The following GCN1 variants were observed in gnomAD, a reference collection of about 807,000 sequenced individuals.
The protein encoded by GCN1 is GCN1 activator of EIF2AK4.
GCN1 carries 90 observed loss-of-function variants against 288.4 expected under a neutral mutation model. The ratio of observed to expected loss-of-function variants is 0.31; its 90% confidence interval spans 0.26 to 0.37. The LOEUF is 0.37. Among genes scored for constraint, GCN1 ranks in the 10% least tolerant of loss-of-function variants. The pLI is 1.00. For missense variants in GCN1, 2,586 were observed against 3,419.9 expected (o/e 0.76, Z 6.08); for synonymous variants, 1,386 against 1,420.2 (o/e 0.98, Z 0.54).
Position 120,144,969 on chromosome 12 carries a change from T to G in GCN1, c.5109A>C (p.Thr1703=). 6.2e-7 allele frequency: 1 copy of G among 1,614,098 alleles called. No homozygotes were observed. The highest frequency in any genetic ancestry group is 8.5e-7 in the Non-Finnish European group (1 of 1,180,018). The change falls in exon 40 of 58, where the codon ACA becomes ACC. Residue 1703 remains threonine, a synonymous_variant. Coordinates refer to ENST00000300648, the MANE Select transcript of GCN1 (RefSeq NM_006836.2). The surrounding 1 kb of genome is among the most constrained non-coding windows in gnomAD (Gnocchi z 4.7). ...CCACAGAGCTCTGCTCATAGGTCAG[T>G]GTCTCCATCAGCCACGGCAGCAAGT... The part of the protein sequence containing the change: ...FEDLLPWLME[T]LTYEQSSVDR...
At position 120,158,160 on chromosome 12, in the gene GCN1, TG is replaced by T. The variant is rs1343437398; in HGVS notation, c.2906-131del. 9 of 842,256 alleles carry T rather than the reference TG, an allele frequency of 1.1e-5. No individual in the cohort carries two copies. Among genetic ancestry groups the T allele is most frequent in the African/African-American group, 1.7e-5 (1 of 58,710 alleles). The allele number at this position is 842,256 out of a possible 1,614,324, so 52.2% of individuals were successfully genotyped here. On this transcript the variant is annotated intron_variant, in intron 25 of 57. Transcript: ENST00000300648. The surrounding 1 kb of genome is among the most constrained non-coding windows in gnomAD (Gnocchi z 4.3). ...GCCCGTTCTGACACCTGGAAGCACA[TG>T]GCACGAGGACAGAGACAGCAGCTGG...
At chr12:120,131,082 C>A in intron 55 of GCN1, 103 bp downstream of exon 55, 1 of 1,037,128 alleles carries the variant, frequency 9.6e-7, no homozygotes, top group Non-Finnish European at 1.5e-6. Flanking sequence ...AAATTAGACC[C>A]AAGCTTCTTA....
chr12:120,148,115 G>C lies in GCN1; in HGVS notation c.4726+52C>G. On this transcript the variant is annotated intron_variant, in intron 37 of 57. Transcript: ENST00000300648. ...TGCAAGTTCCCTGCAGTGTCCAAAGGCTGCGGCGTTGGTGGGAGGTCAGGG... is the reference window on the plus strand; with the variant it reads ...TGCAAGTTCCCTGCAGTGTCCAAAGCCTGCGGCGTTGGTGGGAGGTCAGGG... 4.4e-6 allele frequency: 6 copies of C among 1,360,806 alleles called. No homozygotes were observed. In the South Asian group the frequency reaches 7.7e-5, roughly 18 times the overall value. 84.3% of individuals were successfully genotyped at this position (1,360,806 alleles called of 1,614,324 possible).
chr12:120,181,158 T>C (rs996409130), intron 5 of GCN1, among the ~76,000 whole-genome samples: 1 of 151,982 alleles, frequency 6.6e-6, no homozygotes. Context: ...ACTCCCTATA[T>C]ATAGCATAGT....
rs915568349 is a variant in GCN1, at chr12:120,128,893, G to A, written c.7890+383C>T. ...GTCTCACTCTGTCGCCCAGGCTGGA[G>A]TGCAGTGGCATGATCTCAGCTCACT... On this transcript the variant is annotated intron_variant, in intron 57 of 57. Coordinates refer to ENST00000300648, the MANE Select transcript of GCN1 (RefSeq NM_006836.2). 2.6e-4 allele frequency among the ~76,000 whole-genome samples: 38 copies of A among 144,948 alleles called. No homozygotes were observed. In the Middle Eastern group the frequency reaches 0.015, roughly 57 times the overall value.
At chr12:120,177,356 C>G (rs192418658) in intron 9 of GCN1, 91 bp downstream of exon 9, 52 of 683,226 alleles carry the variant, frequency 7.6e-5, no homozygotes, top group East Asian at 6.4e-4. Flanking sequence ...TTCCCTCCCC[C>G]CTACCACACA....
intron 7 of GCN1, 67 bp downstream of exon 7, chr12:120,178,558 T>C (rs969436969): frequency 2.6e-6 from 4 of 1,549,978 alleles, no homozygotes; most frequent in Non-Finnish European, 3.6e-6. Flanking sequence ...TTCCCATTCC[T>C]TCCCTCCAGC....
chr12:120,169,671 T>A (rs1034172885), intron 15 of GCN1, among the ~76,000 whole-genome samples: 2 of 152,120 alleles, frequency 1.3e-5, no homozygotes, highest in Non-Finnish European at 2.9e-5. Context: ...ACCCAGCTAA[T>A]TTTTGTACTT....
intron 21 of GCN1, 121 bp from the exon 22 acceptor site, chr12:120,161,704 C>T: frequency 5.5e-6 from 5 of 902,374 alleles, no homozygotes; most frequent in South Asian, 3.0e-5. Context: ...GTGCCGGATA[C>T]TGGACACACT....
chr12:120,159,700 C>T lies in GCN1; in HGVS notation c.2749+125G>A. ...GCTTGAGTCTCCAAGGCTGCTTCCA[C>T]AAGAAAACAAAACTCAGCAGCTGAG... is the stretch of plus-strand genomic sequence containing the variant. On this transcript the variant is annotated intron_variant, in intron 24 of 57. Coordinates refer to ENST00000300648, the MANE Select transcript of GCN1 (RefSeq NM_006836.2). 3 of 796,466 alleles carry T rather than the reference C, an allele frequency of 3.8e-6. No homozygotes were observed. In the South Asian group the frequency reaches 4.6e-5, roughly 12 times the overall value. 49.3% of individuals were successfully genotyped at this position (796,466 alleles called of 1,614,324 possible).
At chr12:120,180,273 G>A (rs1045781312) in intron 5 of GCN1, among the ~76,000 whole-genome samples, 3 of 152,010 alleles carry the variant, frequency 2.0e-5, no homozygotes, top group South Asian at 2.1e-4. Context: ...GCGGTGAGCC[G>A]AGATCACGCC....
intron 1 of GCN1, among the ~76,000 whole-genome samples, chr12:120,192,297 G>A (rs1488070408): frequency 6.6e-6 from 1 of 152,112 alleles, no homozygotes; most frequent in Non-Finnish European, 1.5e-5. Flanking sequence ...TCTACAGCTG[G>A]GGCACAGTTT....
intron 1 of GCN1, among the ~76,000 whole-genome samples, chr12:120,192,026 T>C (rs1311809989): frequency 2.0e-5 from 3 of 152,226 alleles, no homozygotes; most frequent in Non-Finnish European, 2.9e-5. Flanking sequence ...TTACATTATA[T>C]GTAAATGGCA....
intron 45 of GCN1, 146 bp from the exon 46 acceptor site, chr12:120,139,002 T>G: frequency 1.6e-6 from 1 of 644,886 alleles, no homozygotes; most frequent in Non-Finnish European, 2.6e-6. Context: ...AACTCTTTAC[T>G]GTGAAATAAA....
At chr12:120,160,353 T>G in intron 22 of GCN1, 98 bp from the exon 23 acceptor site, 1 of 816,988 alleles carries the variant, frequency 1.2e-6, no homozygotes, top group Non-Finnish European at 2.0e-6. Context: ...AACAGCACCA[T>G]ACCAGCTCTA....
intron 34 of GCN1, 46 bp from the exon 35 acceptor site, chr12:120,150,089 G>A (rs1877491269): frequency 1.2e-6 from 2 of 1,606,352 alleles, no homozygotes; most frequent in African/African-American, 2.7e-5. Context: ...ATGTCCCCTG[G>A]GGGTAGCCAC....
intron 2 of GCN1, 130 bp downstream of exon 2, chr12:120,190,168 T>G: frequency 5.1e-6 from 3 of 585,942 alleles, no homozygotes; most frequent in Admixed American, 3.1e-5. Context: ...GAGGTTGCAA[T>G]GAGCTGAGAT....
chr12:120,166,557 A>G (rs1386370713), intron 16 of GCN1, among the ~76,000 whole-genome samples: 1 of 151,088 alleles, frequency 6.6e-6, no homozygotes, highest in Non-Finnish European at 1.5e-5. Context: ...ACAAAAAATT[A>G]GCCAGGCGTG....
chr12:120,164,613 G>T, intron 17 of GCN1, 33 bp downstream of exon 17: 1 of 1,604,724 alleles, frequency 6.2e-7, no homozygotes, highest in Non-Finnish European at 8.5e-7. Context: ...GCCTCATTTG[G>T]CCCAAAAGAA....
Sources: gnomAD v4.1 joint callset for allele counts (sites outside exome capture counted in the v4.1 genomes callset) on GRCh38, gnomAD v4.1.1 for gene constraint, Gnocchi (gnomAD v3.1) non-coding constraint, MANE v1.5 for transcripts, NCBI Gene and HGNC (gene_info 2026-07-23, HGNC 2026-07-21) for gene names.